The following RPS6KA2 variants were observed in gnomAD, a reference collection of about 807,000 sequenced individuals.
RPS6KA2 encodes the protein ribosomal protein S6 kinase A2, also known as ribosomal protein S6 kinase alpha-2.
Under a neutral mutation model 91.8 loss-of-function variants are expected in RPS6KA2, and 42 were observed. The ratio of observed to expected loss-of-function variants is 0.46; its 90% CI spans 0.36 to 0.59. The LOEUF (loss-of-function observed/expected upper bound fraction) is 0.59, where lower values mean the gene tolerates loss of function less well. RPS6KA2 is among the 20% of genes least tolerant of loss of function. The pLI is 0.00. For missense variants in RPS6KA2, 798 were observed against 978.5 expected, an observed-to-expected ratio of 0.82 and a Z score of 2.46; for synonymous variants, 414 against 393.6, an observed-to-expected ratio of 1.05 and a Z score of -0.61.
chr6:166,498,018 A>G lies in RPS6KA2; in HGVS notation c.747+490T>C, dbSNP rs574164783. Among the ~76,000 whole-genome samples the G allele has an allele frequency of 3.0e-4, 46 of 152,240 alleles. No homozygotes were observed. The South Asian group carries it at 3.9e-3, about 13-fold the overall frequency. Reference sequence around the variant, plus strand: ...TGTGAAGATTGGGAAAGGAGCCCACACAGTTCCTAGGGCGGAGAAGACCCA... The same window carrying G: ...TGTGAAGATTGGGAAAGGAGCCCACGCAGTTCCTAGGGCGGAGAAGACCCA... On this transcript the variant is annotated intron_variant, in intron 8 of 20. Coordinates refer to ENST00000265678, the MANE Select transcript of RPS6KA2 (RefSeq NM_021135.6).
intron 2 of RPS6KA2, among the ~76,000 whole-genome samples, chr6:166,844,147 G>A (rs1562467749): frequency 2.0e-5 from 3 of 151,990 alleles, no homozygotes; most frequent in Admixed American, 2.0e-4. Flanking sequence ...CTCAGCAATA[G>A]ACTCAAACAA....
At chr6:166,589,378 A>G (rs1426646692) in intron 1 of RPS6KA2, among the ~76,000 whole-genome samples, 1 of 152,260 alleles carries the variant, frequency 6.6e-6, no homozygotes, top group Non-Finnish European at 1.5e-5. Flanking sequence ...TTTTGTGAGC[A>G]CTTGTTCTAA....
rs76093276 is a variant in RPS6KA2, at chr6:166,594,278, A to C, written c.99+32643T>G. Among the ~76,000 whole-genome samples, 148 of 152,340 alleles carry C rather than the reference A, an allele frequency of 9.7e-4. No individual in the cohort carries two copies. In the East Asian group the frequency reaches 0.024, roughly 25 times the overall value. On this transcript the variant is annotated intron_variant, in intron 1 of 20. Coordinates refer to ENST00000265678, the MANE Select transcript of RPS6KA2 (RefSeq NM_021135.6). ...ATACATGAAGAAAGAATCAGAGGAA[A>C]TCAAAAATTTAACAAGGGTCATTCT...
At chr6:166,523,697 T>C (rs1782932466) in intron 3 of RPS6KA2, among the ~76,000 whole-genome samples, 1 of 152,180 alleles carries the variant, frequency 6.6e-6, no homozygotes, top group Non-Finnish European at 1.5e-5. Context: ...ATGACATAAA[T>C]GAATTAGCAT....
chr6:166,647,051 C>G (rs1268787488), intron 2 of RPS6KA2, among the ~76,000 whole-genome samples: 1 of 152,224 alleles, frequency 6.6e-6, no homozygotes, highest in Non-Finnish European at 1.5e-5. Flanking sequence ...CCTCCAGGCA[C>G]TGCCAGGGAA....
At chr6:166,477,744 C>T (rs1781029150) in intron 10 of RPS6KA2, among the ~76,000 whole-genome samples, 1 of 152,098 alleles carries the variant, frequency 6.6e-6, no homozygotes, top group Non-Finnish European at 1.5e-5. Context: ...GGCCCCTTCT[C>T]TACAAAACAG....
chr6:166,529,322 C>T (rs941810067), intron 3 of RPS6KA2, among the ~76,000 whole-genome samples: 11 of 152,010 alleles, frequency 7.2e-5, no homozygotes, highest in Non-Finnish European at 1.6e-4. Flanking sequence ...ATTGCAAGGA[C>T]AGAAAACCAA....
intron 2 of RPS6KA2, among the ~76,000 whole-genome samples, chr6:166,745,681 G>A (rs1467579780): frequency 6.6e-6 from 1 of 151,816 alleles, no homozygotes; most frequent in Non-Finnish European, 1.5e-5. Context: ...GAACGAGAGG[G>A]GGTGACAACA....
chr6:166,771,855 C>A (rs1196362913), intron 2 of RPS6KA2, among the ~76,000 whole-genome samples: 7 of 152,184 alleles, frequency 4.6e-5, no homozygotes, highest in Non-Finnish European at 8.8e-5. Flanking sequence ...AGCTTTGGGG[C>A]TGGCTTCTCC....
At chr6:166,779,029 T>C (rs11969512) in intron 2 of RPS6KA2, among the ~76,000 whole-genome samples, 1,711 of 152,360 alleles carry the variant, frequency 0.011, 30 homozygotes, top group African/African-American at 0.036. Context: ...CGATTTCACA[T>C]TGACGTGTCT....
chr6:166,825,709 T>TGAGG lies in RPS6KA2; in HGVS notation c.123+32487_123+32490dup, dbSNP rs1039073707. 1.3e-5 allele frequency among the ~76,000 whole-genome samples: 2 copies of TGAGG among 152,102 alleles called. No individual in the cohort carries two copies. Among genetic ancestry groups the TGAGG allele is most frequent in the African/African-American group, 4.8e-5 (2 of 41,414 alleles). Reference sequence around the variant, plus strand: ...CCTGTGTCCCCGGTGGTGGAAGTGGTGAGGGAGCTTTCTGGGGTCTCCTTT... The same window carrying TGAGG: ...CCTGTGTCCCCGGTGGTGGAAGTGGTGAGGGAGGGAGCTTTCTGGGGTCTCCTTT... On this transcript the variant is annotated intron_variant, in intron 2 of 21. Transcript: ENST00000503859. This position sits in a 1 kb window ranked among gnomAD's most constrained non-coding sequence, Gnocchi z 4.1.
chr6:166,624,504 A>G (rs1005166972), intron 1 of RPS6KA2, among the ~76,000 whole-genome samples: 3 of 152,190 alleles, frequency 2.0e-5, no homozygotes, highest in Non-Finnish European at 2.9e-5. Context: ...AAGTATGGGT[A>G]GGGCGCAGAA....
chr6:166,625,404 C>T (rs777468869), intron 1 of RPS6KA2, among the ~76,000 whole-genome samples: 1 of 147,122 alleles, frequency 6.8e-6, no homozygotes, highest in Non-Finnish European at 1.5e-5. Context: ...CTTGCAGAAC[C>T]CTGTGACACC....
intron 2 of RPS6KA2, among the ~76,000 whole-genome samples, chr6:166,751,523 A>T (rs910002783): frequency 6.6e-6 from 1 of 152,252 alleles, no homozygotes; most frequent in Non-Finnish European, 1.5e-5. Flanking sequence ...CCCAAGGCAG[A>T]TAACAGATGG....
intron 20 of RPS6KA2, among the ~76,000 whole-genome samples, chr6:166,413,129 G>A (rs754525097): frequency 2.0e-5 from 3 of 152,062 alleles, no homozygotes; most frequent in Non-Finnish European, 4.4e-5. Context: ...CCCTGGCACT[G>A]TGCTTGTGCC....
At chr6:166,794,390 C>T (rs1245925433) in intron 2 of RPS6KA2, among the ~76,000 whole-genome samples, 1 of 152,194 alleles carries the variant, frequency 6.6e-6, no homozygotes, top group Non-Finnish European at 1.5e-5. Context: ...AATAGGAACA[C>T]TTTTGCACTG....
At chr6:166,842,097 G>A (rs555888651) in intron 2 of RPS6KA2, among the ~76,000 whole-genome samples, 1 of 152,116 alleles carries the variant, frequency 6.6e-6, no homozygotes, top group South Asian at 2.1e-4. Flanking sequence ...GCAACTCATC[G>A]ATTTTGGCTC....
chr6:166,840,023 G>A (rs79052600), intron 2 of RPS6KA2, among the ~76,000 whole-genome samples: 7,418 of 152,052 alleles, frequency 0.049, 638 homozygotes, highest in African/African-American at 0.17. Context: ...TAAGCTTAGT[G>A]TTAACATAAA....
intron 2 of RPS6KA2, among the ~76,000 whole-genome samples, chr6:166,710,858 A>G (rs75675819): frequency 0.014 from 2,100 of 152,300 alleles, 52 homozygotes; most frequent in African/African-American, 0.048. Flanking sequence ...CAACCCAGGA[A>G]TTCCAGCAGG....
Sources: allele counts gnomAD v4.1 joint callset (sites outside exome capture counted in the v4.1 genomes callset), GRCh38; gene constraint gnomAD v4.1.1; non-coding constraint Gnocchi (gnomAD v3.1); transcripts MANE v1.5; gene names NCBI Gene and HGNC (gene_info 2026-07-23, HGNC 2026-07-21).